HS3ST1: variants seen among roughly 807,000 people sequenced by gnomAD.
The protein encoded by HS3ST1 is heparan sulfate glucosamine 3-O-sulfotransferase 1.
Under a neutral mutation model 20.7 loss-of-function variants are expected in HS3ST1, and 8 were observed. The ratio of observed to expected loss-of-function variants is 0.39; its 90% CI spans 0.23 to 0.70. The LOEUF is 0.70. Ranked by LOEUF, HS3ST1 falls within the 30% of genes least tolerant of loss-of-function variation. HS3ST1 has a pLI of 0.46. For synonymous variants in HS3ST1, 205 were observed against 190.4 expected, an observed-to-expected ratio of 1.08 and a Z score of -0.63; for missense variants, 436 against 423.4, an observed-to-expected ratio of 1.03 and a Z score of -0.26.
At chr4:11,431,588 C>T (rs1169342310), upstream of HS3ST1, among the ~76,000 whole-genome samples, 1 of 152,076 alleles carries the variant, frequency 6.6e-6, no homozygotes, top group Non-Finnish European at 1.5e-5. Flanking sequence ...AATCTTATCT[C>T]AAGGAAAAAC....
intron 1 of HS3ST1, among the ~76,000 whole-genome samples, chr4:11,406,631 C>T (rs1421241062): frequency 6.6e-6 from 1 of 152,176 alleles, no homozygotes; most frequent in East Asian, 1.9e-4. Flanking sequence ...TCAAAGCCCA[C>T]GGTGTGCTTT....
At chr4:11,400,756 C>G (rs1253978092) in intron 1 of HS3ST1, among the ~76,000 whole-genome samples, 2 of 152,184 alleles carry the variant, frequency 1.3e-5, no homozygotes, top group East Asian at 3.8e-4. Context: ...ATGATTAGTC[C>G]CAATTCTTCA....
At chr4:11,410,893 AAAAAT>A (rs1718610618) in intron 1 of HS3ST1, among the ~76,000 whole-genome samples, 1 of 92,270 alleles carries the variant, frequency 1.1e-5, no homozygotes, top group African/African-American at 4.1e-5. Context: ...CTCCATCTCA[AAAAAT>A]AAATAAATAA....
intron 1 of HS3ST1, among the ~76,000 whole-genome samples, chr4:11,415,157 C>T (rs1718740302): frequency 1.3e-5 from 2 of 152,152 alleles, no homozygotes; most frequent in African/African-American, 2.4e-5. Flanking sequence ...AGGACAAAAA[C>T]AAAGTTCAAC....
chr4:11,433,495 C>T, upstream of HS3ST1, among the ~76,000 whole-genome samples: 1 of 152,130 alleles, frequency 6.6e-6, no homozygotes, highest in Middle Eastern at 3.2e-3. Flanking sequence ...GAAGTGGTCC[C>T]CTTGTTCAAA....
At chr4:11,423,021 CAAAAAAAAAAAAAAA>C (rs71181101) in intron 1 of HS3ST1, among the ~76,000 whole-genome samples, 2 of 34,386 alleles carry the variant, frequency 5.8e-5, no homozygotes. Context: ...GAGACACCGT[CAAAAAAAAAAAAAAA>C]AAAAAAAAAA....
At chr4:11,408,261 A>G (rs961822727) in intron 1 of HS3ST1, among the ~76,000 whole-genome samples, 4 of 152,200 alleles carry the variant, frequency 2.6e-5, no homozygotes, top group Non-Finnish European at 4.4e-5. Flanking sequence ...TAAATAAAAA[A>G]GTACATGTGG....
upstream of HS3ST1, chr4:11,428,955 G>A (rs1427478144): frequency 6.5e-6 from 1 of 153,158 alleles, no homozygotes; most frequent in Non-Finnish European, 1.5e-5. Flanking sequence ...GGGAGGAGGA[G>A]CGGGAGCAAA....
rs1246817862 is a variant in HS3ST1 at position 11,428,732 on chromosome 4, C to A, written c.-142G>T. On this transcript the variant is annotated 5_prime_UTR_variant, in exon 1 of 2. Transcript: ENST00000002596. ...CGCCTCTGTCCAGCCCGTCCGGCGC[C>A]CTAAATAGGCTCCTAGGCTGGGCCA... The A allele has an allele frequency of 6.6e-6, 1 of 152,620 alleles. No homozygotes were observed. Among genetic ancestry groups the A allele is most frequent in the Non-Finnish European group, 1.5e-5 (1 of 68,366 alleles). The allele number at this position is 152,620 out of a possible 1,614,324, so 9.5% of individuals were successfully genotyped here. A position where few individuals can be genotyped will look rare whatever the true frequency, so the allele number is the denominator to read the frequency against.
At chr4:11,432,802 G>A (rs529950751), upstream of HS3ST1, among the ~76,000 whole-genome samples, 1 of 152,262 alleles carries the variant, frequency 6.6e-6, no homozygotes, top group South Asian at 2.1e-4. Context: ...GGGGAAATGA[G>A]GGTCACAGCC....
chr4:11,427,805 G>A (rs1236139166), intron 1 of HS3ST1, among the ~76,000 whole-genome samples: 2 of 152,216 alleles, frequency 1.3e-5, no homozygotes, highest in African/African-American at 4.8e-5. Flanking sequence ...CCGGCACCCG[G>A]CTTTGGCTCC....
At chr4:11,433,849 A>C (rs1311085105), upstream of HS3ST1, among the ~76,000 whole-genome samples, 1 of 152,214 alleles carries the variant, frequency 6.6e-6, no homozygotes, top group East Asian at 1.9e-4. Context: ...GAAAAATTAC[A>C]ATTCAATCTA....
intron 1 of HS3ST1, among the ~76,000 whole-genome samples, chr4:11,416,616 CAGAG>C (rs756510281): frequency 6.6e-6 from 1 of 152,140 alleles, no homozygotes; most frequent in South Asian, 2.1e-4. Context: ...TCGAGTCTCT[CAGAG>C]AGGCAGAAAG....
At chr4:11,420,213 A>G (rs1350627191) in intron 1 of HS3ST1, among the ~76,000 whole-genome samples, 1 of 152,240 alleles carries the variant, frequency 6.6e-6, no homozygotes, top group African/African-American at 2.4e-5. Flanking sequence ...AGAAAGCATG[A>G]AACTCTGCTT....
intron 1 of HS3ST1, among the ~76,000 whole-genome samples, chr4:11,423,532 G>A (rs915741927): frequency 7.2e-5 from 11 of 152,124 alleles, no homozygotes; most frequent in Admixed American, 2.6e-4. Flanking sequence ...TATCTAACTA[G>A]GAGAGATTCT....
intron 1 of HS3ST1, among the ~76,000 whole-genome samples, chr4:11,420,147 GATATTACAC>G (rs1718891446): frequency 6.6e-6 from 1 of 152,204 alleles, no homozygotes; most frequent in Admixed American, 6.5e-5. Flanking sequence ...AGGAGTCACT[GATATTACAC>G]GCAACAGGAA....
intron 1 of HS3ST1, among the ~76,000 whole-genome samples, chr4:11,419,022 G>A (rs749432254): frequency 3.7e-4 from 56 of 152,172 alleles, no homozygotes; most frequent in African/African-American, 1.0e-3. Context: ...GTCTGGCTGC[G>A]TTGGGGTTTA....
intron 1 of HS3ST1, among the ~76,000 whole-genome samples, chr4:11,424,923 C>T (rs1719025031): frequency 6.6e-6 from 1 of 151,786 alleles, no homozygotes; most frequent in South Asian, 2.1e-4. Context: ...ATGTTTGGTT[C>T]CAACTGCTTA....
intron 1 of HS3ST1, among the ~76,000 whole-genome samples, chr4:11,412,307 G>A (rs1204072460): frequency 6.6e-6 from 1 of 152,274 alleles, no homozygotes; most frequent in South Asian, 2.1e-4. Flanking sequence ...AGAGTGAAAC[G>A]ATTGGGTCGT....
Sources: gnomAD v4.1 joint callset for allele counts (sites outside exome capture counted in the v4.1 genomes callset) on GRCh38, gnomAD v4.1.1 for gene constraint, MANE v1.5 for transcripts, NCBI Gene and HGNC (gene_info 2026-07-23, HGNC 2026-07-21) for gene names.